Variants in CASTOR2 observed in about 807,000 individuals in gnomAD.
The protein encoded by CASTOR2 is GATS protein like 2.
Under a neutral mutation model 31.2 loss-of-function variants are expected in CASTOR2, and 8 were observed. The ratio of observed to expected loss-of-function variants is 0.26; its 90% CI spans 0.15 to 0.46. CASTOR2 has a LOEUF of 0.46. Ranked by LOEUF, CASTOR2 falls within the 20% of genes least tolerant of loss-of-function variation. The probability of loss-of-function intolerance (pLI) is 0.99; values close to 1 mark genes in which losing one functional copy is unlikely to be tolerated. For synonymous variants in CASTOR2, 162 were observed against 158.7 expected (o/e 1.02, Z -0.16); for missense variants, 216 against 382.1 (o/e 0.57, Z 3.62).
In CASTOR2 at chr7:75,026,712, C is replaced by T. The variant is rs950641161; in HGVS notation, c.*2013C>T. 9.2e-5 allele frequency among the ~76,000 whole-genome samples: 14 copies of T among 151,950 alleles called. No individual in the cohort carries two copies. The highest frequency in any genetic ancestry group is 3.4e-4 in the African/African-American group (14 of 41,354). On this transcript the variant is annotated 3_prime_UTR_variant, in exon 9 of 9. Transcript: ENST00000616305. ...TTGCACAAAACTCCAGAACAAAACT[C>T]GTACATTGCTGGTCCCAAAAGGGAG...
intron 5 of CASTOR2, among the ~76,000 whole-genome samples, chr7:75,019,538 A>T (rs1012026365): frequency 6.6e-5 from 10 of 152,184 alleles, no homozygotes; most frequent in Non-Finnish European, 1.2e-4. Context: ...GGGGTGAGAC[A>T]TCCTACCCTG....
intron 2 of CASTOR2, 49 bp from the exon 3 acceptor site, chr7:75,017,549 C>T: frequency 2.5e-6 from 4 of 1,598,120 alleles, no homozygotes; most frequent in Non-Finnish European, 3.4e-6. Context: ...GCCCTTGGGT[C>T]ATCTGGAACC....
At chr7:74,986,201 A>G (rs1804061663) in intron 1 of CASTOR2, among the ~76,000 whole-genome samples, 1 of 147,636 alleles carries the variant, frequency 6.8e-6, no homozygotes, top group Non-Finnish European at 1.5e-5. Flanking sequence ...AAGTGCTGGG[A>G]TGACAGGCGT....
chr7:75,006,056 G>C (rs1804599075), intron 1 of CASTOR2, among the ~76,000 whole-genome samples: 1 of 152,178 alleles, frequency 6.6e-6, no homozygotes, highest in African/African-American at 2.4e-5. Flanking sequence ...CTTGAACCTG[G>C]GAGGCGGAGG....
intron 2 of CASTOR2, among the ~76,000 whole-genome samples, chr7:75,014,052 T>C (rs1804810664): frequency 6.6e-6 from 1 of 152,068 alleles, no homozygotes; most frequent in Non-Finnish European, 1.5e-5. Context: ...TCGTGAGCAC[T>C]GTGTGCAGTG....
At chr7:75,011,794 C>G (rs1375203212) in intron 2 of CASTOR2, among the ~76,000 whole-genome samples, 1 of 148,530 alleles carries the variant, frequency 6.7e-6, no homozygotes, top group African/African-American at 2.5e-5. Flanking sequence ...ATGGAGGAAC[C>G]CCGTCTCTAC....
chr7:74,990,116 C>T (rs1250855950), intron 1 of CASTOR2, among the ~76,000 whole-genome samples: 2 of 151,958 alleles, frequency 1.3e-5, no homozygotes, highest in African/African-American at 4.8e-5. Flanking sequence ...GTGCCGGGTG[C>T]GGTGGCTCAC....
Position 75,020,202 on chromosome 7 carries a change from G to T in CASTOR2, c.746+53G>T, listed in dbSNP as rs992829301. 484 of 1,477,792 alleles carry T rather than the reference G, an allele frequency of 3.3e-4. 2 individuals are homozygous for T. In the African/African-American group the frequency reaches 5.8e-3, roughly 18 times the overall value. The allele number at this position is 1,477,792 out of a possible 1,614,324, so 91.5% of individuals were successfully genotyped here. ...AACCCAGGGTGGGCCCCAGGGTCTG[G>T]GGGGACTATGTGATGGCACATCACC... On this transcript the variant is annotated intron_variant, in intron 6 of 8. Transcript: ENST00000616305.
chr7:74,988,599 C>T (rs1198016804), intron 1 of CASTOR2, among the ~76,000 whole-genome samples: 13 of 151,970 alleles, frequency 8.6e-5, no homozygotes, highest in Non-Finnish European at 1.6e-4. Context: ...ACCCGGCCCA[C>T]GCTCCTTTTT....
chr7:74,996,885 C>A (rs1348781294), intron 1 of CASTOR2, among the ~76,000 whole-genome samples: 1 of 148,656 alleles, frequency 6.7e-6, no homozygotes. Flanking sequence ...CCTGCCACCA[C>A]GCCCGGCTAA....
At chr7:75,023,387 C>G (rs1286033621) in intron 7 of CASTOR2, among the ~76,000 whole-genome samples, 1 of 151,998 alleles carries the variant, frequency 6.6e-6, no homozygotes, top group Non-Finnish European at 1.5e-5. Context: ...AATTTTCAGT[C>G]ATTCCCTAAG....
chr7:74,990,935 A>G (rs1804194822), intron 1 of CASTOR2, among the ~76,000 whole-genome samples: 2 of 151,850 alleles, frequency 1.3e-5, no homozygotes. Context: ...ATAAGAAATT[A>G]GTTGGGTGTG....
At chr7:75,009,215 C>T (rs1359240563) in intron 2 of CASTOR2, among the ~76,000 whole-genome samples, 9 of 145,514 alleles carry the variant, frequency 6.2e-5, no homozygotes, top group Middle Eastern at 8.0e-3. Flanking sequence ...CTCGTCCTCC[C>T]AAAGTGCTGA....
chr7:75,009,506 G>A (rs1214774010), intron 2 of CASTOR2, among the ~76,000 whole-genome samples: 4 of 151,628 alleles, frequency 2.6e-5, no homozygotes, highest in African/African-American at 4.8e-5. Context: ...CTGACCTCGT[G>A]ATCCACCCAC....
intron 3 of CASTOR2, 23 bp from the exon 4 acceptor site, chr7:75,017,967 C>A: frequency 6.2e-7 from 1 of 1,614,144 alleles, no homozygotes; most frequent in Non-Finnish European, 8.5e-7. Context: ...CAGGCACACA[C>A]GGCCTCAACT....
intron 1 of CASTOR2, among the ~76,000 whole-genome samples, chr7:74,982,444 G>A (rs1326164509): frequency 2.0e-5 from 3 of 151,620 alleles, no homozygotes; most frequent in Admixed American, 6.6e-5. Flanking sequence ...TTTCCTGGGT[G>A]ACTCCTTTGC....
At position 75,026,861 on chromosome 7, in the gene CASTOR2, G is replaced by A. The variant is rs1402056604; in HGVS notation, c.*2162G>A. 7.2e-5 allele frequency among the ~76,000 whole-genome samples: 11 copies of A among 151,984 alleles called. No homozygotes were observed. Among genetic ancestry groups the A allele is most frequent in the South Asian group, 4.1e-4 (2 of 4,828 alleles). ...CACTTCTCTGCCTTTCCTTCCCGCC[G>A]TGCAAGTGTGTCGGCCCCGTGACCC... On this transcript the variant is annotated 3_prime_UTR_variant, in exon 9 of 9. Transcript: ENST00000616305.
rs1805271214 is a variant in CASTOR2 at position 75,030,474 on chromosome 7, G to C, written c.*5775G>C. 6.6e-6 allele frequency among the ~76,000 whole-genome samples: 1 copy of C among 152,196 alleles called. No individual in the cohort carries two copies. Among genetic ancestry groups the C allele is most frequent in the Non-Finnish European group, 1.5e-5 (1 of 68,038 alleles). On this transcript the variant is annotated 3_prime_UTR_variant, in exon 9 of 9. Coordinates refer to ENST00000616305, the MANE Select transcript of CASTOR2 (RefSeq NM_001145064.3). The stretch of plus-strand genomic sequence containing the variant: ...CACCCCACTTGTCAGAACTACTCTG[G>C]AGGGGGGCAAAGGTGTCAGGAACAG...
chr7:74,983,322 C>CT (rs1803989920), intron 1 of CASTOR2, among the ~76,000 whole-genome samples: 2 of 151,528 alleles, frequency 1.3e-5, no homozygotes, highest in South Asian at 2.1e-4. Context: ...ACATTTCTTT[C>CT]TTCTTCTTTT....
Sources: gnomAD v4.1 joint callset for allele counts (sites outside exome capture counted in the v4.1 genomes callset) on GRCh38, gnomAD v4.1.1 for gene constraint, MANE v1.5 for transcripts, NCBI Gene and HGNC (gene_info 2026-07-23, HGNC 2026-07-21) for gene names.